The following MTUS2 variants were observed in gnomAD, a reference collection of about 807,000 sequenced individuals.
MTUS2 encodes microtubule-associated tumor suppressor candidate 2.
In MTUS2, 40 loss-of-function variants were observed where a neutral mutation model predicts 114.1. That is an observed-to-expected ratio of 0.35 (90% CI 0.27 to 0.46). The LOEUF is 0.46. MTUS2 is among the 20% of genes least tolerant of loss of function. MTUS2 has a pLI of 1.00. For missense variants in MTUS2, 1,679 were observed against 1,705.4 expected, an observed-to-expected ratio of 0.98 and a Z score of 0.27; for synonymous variants, 688 against 672.0, an observed-to-expected ratio of 1.02 and a Z score of -0.37.
At chr13:28,834,636 T>A (rs533698511) in intron 1 of MTUS2, among the ~76,000 whole-genome samples, 1 of 152,178 alleles carries the variant, frequency 6.6e-6, no homozygotes, top group African/African-American at 2.4e-5. Flanking sequence ...TATTTTCTTA[T>A]ATGTAACAAA....
chr13:28,921,100 C>T (rs1407254194), intron 2 of MTUS2, among the ~76,000 whole-genome samples: 2 of 152,220 alleles, frequency 1.3e-5, no homozygotes, highest in South Asian at 2.1e-4. Flanking sequence ...TACATTTCCC[C>T]TTGTTTTTCT....
intron 7 of MTUS2, among the ~76,000 whole-genome samples, chr13:29,340,034 G>T (rs2138112063): frequency 6.6e-6 from 1 of 152,398 alleles, no homozygotes; most frequent in Non-Finnish European, 1.5e-5. Context: ...GCTGAGCTTG[G>T]TGACCGTTGG....
chr13:29,227,353 C>T (rs1361750164), intron 5 of MTUS2, among the ~76,000 whole-genome samples: 1 of 151,702 alleles, frequency 6.6e-6, no homozygotes, highest in Non-Finnish European at 1.5e-5. Context: ...GAGAGGTTTG[C>T]CCCTCTTTGG....
chr13:29,452,152 C>A (rs931837880), intron 9 of MTUS2, among the ~76,000 whole-genome samples: 2 of 152,150 alleles, frequency 1.3e-5, no homozygotes, highest in African/African-American at 4.8e-5. Flanking sequence ...ATCAATACTG[C>A]AAACTCCCTT....
intron 2 of MTUS2, among the ~76,000 whole-genome samples, chr13:28,905,122 T>C (rs1879907485): frequency 6.6e-6 from 1 of 151,692 alleles, no homozygotes; most frequent in South Asian, 2.1e-4. Context: ...GAGACTTTGC[T>C]GAAGTTGCCT....
intron 2 of MTUS2, among the ~76,000 whole-genome samples, chr13:28,941,520 T>G (rs1185374798): frequency 2.0e-5 from 3 of 152,018 alleles, no homozygotes; most frequent in African/African-American, 7.2e-5. Flanking sequence ...TGTCTTAAAA[T>G]TTTAGTATTT....
chr13:29,347,195 C>A (rs138137355), intron 7 of MTUS2, among the ~76,000 whole-genome samples: 1 of 152,188 alleles, frequency 6.6e-6, no homozygotes, highest in Non-Finnish European at 1.5e-5. Flanking sequence ...TTTTCCCTCA[C>A]TTTCTGATTT....
chr13:29,368,720 ACTCTTT>A (rs1409770182), intron 8 of MTUS2, among the ~76,000 whole-genome samples: 27 of 152,078 alleles, frequency 1.8e-4, no homozygotes, highest in African/African-American at 6.3e-4. Context: ...GATTTCTGGG[ACTCTTT>A]CTCTTTGGTA....
chr13:29,014,423 A>G (rs1247185555), intron 2 of MTUS2, among the ~76,000 whole-genome samples: 1 of 152,264 alleles, frequency 6.6e-6, no homozygotes, highest in African/African-American at 2.4e-5. Context: ...AATTCATTCA[A>G]CGGATATTTA....
At chr13:29,344,696 G>C (rs1566143741) in intron 7 of MTUS2, among the ~76,000 whole-genome samples, 1 of 152,112 alleles carries the variant, frequency 6.6e-6, no homozygotes, top group Admixed American at 6.5e-5. Context: ...TCATTATGCA[G>C]GTTGTTGCCT....
chr13:29,177,046 C>G (rs1893803912), intron 5 of MTUS2, among the ~76,000 whole-genome samples: 1 of 151,172 alleles, frequency 6.6e-6, no homozygotes, highest in South Asian at 2.1e-4. Flanking sequence ...ATCCATCTCT[C>G]TTTCTAGACT....
chr13:29,186,261 A>G (rs566830153), intron 5 of MTUS2, among the ~76,000 whole-genome samples: 23 of 152,240 alleles, frequency 1.5e-4, no homozygotes, highest in Non-Finnish European at 3.2e-4. Flanking sequence ...AAAATGGCAA[A>G]CATAAATAAT....
intron 12 of MTUS2, among the ~76,000 whole-genome samples, chr13:29,494,428 T>G (rs564431940): frequency 5.3e-5 from 8 of 152,284 alleles, no homozygotes; most frequent in Non-Finnish European, 1.0e-4. Flanking sequence ...AAACATCAGT[T>G]TGGTATTTTA....
intron 5 of MTUS2, among the ~76,000 whole-genome samples, chr13:29,211,487 A>T (rs1454552616): frequency 1.3e-5 from 2 of 152,244 alleles, no homozygotes; most frequent in Non-Finnish European, 2.9e-5. Context: ...GAAACTGCAC[A>T]AATTGTTTCA....
chr13:28,936,368 T>C (rs1424770913), intron 2 of MTUS2, among the ~76,000 whole-genome samples: 3 of 152,236 alleles, frequency 2.0e-5, no homozygotes, highest in South Asian at 4.1e-4. Flanking sequence ...TAAAAATGCT[T>C]TATCTGACTT....
intron 6 of MTUS2, among the ~76,000 whole-genome samples, chr13:29,288,964 G>A (rs1019560381): frequency 3.3e-5 from 5 of 152,038 alleles, no homozygotes; most frequent in Non-Finnish European, 7.4e-5. Context: ...ACTTTTTCTG[G>A]ATTGACTTTG....
At chr13:29,333,636 T>G (rs1900906386) in intron 7 of MTUS2, among the ~76,000 whole-genome samples, 1 of 152,192 alleles carries the variant, frequency 6.6e-6, no homozygotes, top group South Asian at 2.1e-4. Flanking sequence ...ATAAGTGTAA[T>G]GTGGTGCTGA....
intron 5 of MTUS2, among the ~76,000 whole-genome samples, chr13:29,124,881 T>C (rs1891452845): frequency 6.6e-6 from 1 of 151,648 alleles, no homozygotes; most frequent in Non-Finnish European, 1.5e-5. Flanking sequence ...GTACCTGGAG[T>C]ACTCAGATTC....
chr13:29,183,480 C>T (rs1232944385), intron 5 of MTUS2, among the ~76,000 whole-genome samples: 1 of 152,058 alleles, frequency 6.6e-6, no homozygotes, highest in Non-Finnish European at 1.5e-5. Context: ...AGTAACGAGT[C>T]TGGAGTTCAG....
Sources: gnomAD v4.1 joint callset for allele counts (sites outside exome capture counted in the v4.1 genomes callset) on GRCh38, gnomAD v4.1.1 for gene constraint, MANE v1.5 for transcripts, NCBI Gene and HGNC (gene_info 2026-07-23, HGNC 2026-07-21) for gene names.